MAP3K14: variants seen among roughly 807,000 people sequenced by gnomAD.
The protein encoded by MAP3K14 is mitogen-activated protein kinase kinase kinase 14.
MAP3K14 carries 16 observed loss-of-function variants against 99.2 expected under a neutral mutation model. The ratio of observed to expected loss-of-function variants is 0.16; its 90% confidence interval spans 0.11 to 0.24. The LOEUF is 0.24. MAP3K14 is among the 10% of genes least tolerant of loss of function. MAP3K14 has a pLI of 1.00. For missense variants in MAP3K14, 784 were observed against 1,208.7 expected, an observed-to-expected ratio of 0.65 and a Z score of 5.21; for synonymous variants, 462 against 492.4, an observed-to-expected ratio of 0.94 and a Z score of 0.82.
chr17:45,268,882 G>C (rs1454614249), intron 11 of MAP3K14, among the ~76,000 whole-genome samples: 1 of 152,148 alleles, frequency 6.6e-6, no homozygotes, highest in Non-Finnish European at 1.5e-5. Flanking sequence ...GTCTGCCTGA[G>C]TGCAGCCAGG....
chr17:45,264,697 G>T lies in MAP3K14; in HGVS notation c.2783C>A (p.Pro928His), dbSNP rs56036201. Residue 928 changes from proline (P) to histidine (H), a missense_variant, in exon 16 of 16, where the codon CCT becomes CAT. By Grantham distance (77) the Pro-to-His change is moderately conservative. Transcript: ENST00000344686. Reference sequence around the variant, plus strand: ...CCAGCTCCAGGCGAAGCTGCCATCAGGGGCCAGTGTGCACTGCAGGTCGAT... The same window carrying T: ...CCAGCTCCAGGCGAAGCTGCCATCATGGGCCAGTGTGCACTGCAGGTCGAT... The part of the protein sequence containing the change: ...SGIDLQCTLA[P>H]DGSFAWSWRV... The T allele has an allele frequency of 6.8e-5, 110 of 1,607,876 alleles. No individual in the cohort carries two copies. Among genetic ancestry groups the T allele is most frequent in the South Asian group, 3.3e-4 (30 of 89,808 alleles).
chr17:45,285,330 A>G (rs2044254938), intron 5 of MAP3K14, among the ~76,000 whole-genome samples: 1 of 152,194 alleles, frequency 6.6e-6, no homozygotes, highest in African/African-American at 2.4e-5. Context: ...GATGATGTTA[A>G]AAGTGGATGG....
chr17:45,289,882 C>T (rs1351872234), intron 2 of MAP3K14, among the ~76,000 whole-genome samples: 1 of 152,174 alleles, frequency 6.6e-6, no homozygotes, highest in African/African-American at 2.4e-5. Context: ...TGAGGGAAGG[C>T]GTTGGAGAGA....
intron 1 of MAP3K14, among the ~76,000 whole-genome samples, chr17:45,299,819 G>A (rs1025154119): frequency 1.3e-5 from 2 of 152,190 alleles, no homozygotes; most frequent in Non-Finnish European, 2.9e-5. Flanking sequence ...GCCAGGCATG[G>A]TGGCTCACGC....
chr17:45,277,901 T>A (rs2044192113), intron 6 of MAP3K14, among the ~76,000 whole-genome samples: 1 of 152,200 alleles, frequency 6.6e-6, no homozygotes, highest in South Asian at 2.1e-4. Flanking sequence ...AAGGTGGTGG[T>A]GTCCTATCTG....
chr17:45,271,082 G>A lies in MAP3K14; in HGVS notation c.1797C>T (p.Phe599=). 5.0e-6 allele frequency: 8 copies of A among 1,613,142 alleles called. No homozygotes were observed. Among genetic ancestry groups the A allele is most frequent in the Non-Finnish European group, 6.8e-6 (8 of 1,179,734 alleles). Residue 599 remains phenylalanine (F), a synonymous_variant, in exon 10 of 16, where the codon TTC becomes TTT. Transcript: ENST00000344686. ...MLNGCHPWTQ[F]FRGPLCLKIA... is the part of the protein sequence containing the mutation. ...CCTTGAGGCAGAGCGGCCCTCGGAA[G>A]AACTGAGTCCAGGGGTGGCAGCCGT...
In MAP3K14 at chr17:45,284,835, C is replaced by G. The variant is rs2044251384; in HGVS notation, c.1267G>C (p.Gly423Arg). The change falls in exon 6 of 16, where the codon GGC (glycine) becomes CGC (arginine). Residue 423 changes from glycine (G) to arginine (R), a missense_variant. Transcript: ENST00000344686. ...EVHRMEDKQT[G>R]FQCAVKKVRL... ...ACCTTTTTGACAGCGCACTGGAAGC[C>G]AGTCTGCTTGTCCTCCATCCTGTGC... is the stretch of plus-strand genomic sequence containing the variant. The G allele has an allele frequency of 6.3e-7, 1 of 1,595,444 alleles. No homozygotes were observed. The highest frequency in any genetic ancestry group is 8.5e-7 in the Non-Finnish European group (1 of 1,171,428).
chr17:45,280,381 G>A (rs538653151), intron 6 of MAP3K14, among the ~76,000 whole-genome samples: 4 of 138,772 alleles, frequency 2.9e-5, no homozygotes, highest in Admixed American at 8.2e-5. Context: ...TTGGCTCACC[G>A]CAACCTCCGC....
At chr17:45,294,486 C>T (rs2143838555) in intron 1 of MAP3K14, among the ~76,000 whole-genome samples, 1 of 152,260 alleles carries the variant, frequency 6.6e-6, no homozygotes, top group South Asian at 2.1e-4. Flanking sequence ...AGACTTGGTC[C>T]ATAGCTTTCA....
intron 6 of MAP3K14, among the ~76,000 whole-genome samples, chr17:45,282,989 G>A (rs1050614907): frequency 6.6e-6 from 1 of 152,244 alleles, no homozygotes; most frequent in Non-Finnish European, 1.5e-5. Context: ...TGGTGGGCTT[G>A]AGCTGCAGCT....
Position 45,303,785 on chromosome 17 carries a change from T to C in MAP3K14, c.-20-13020A>G, listed in dbSNP as rs1350244377. On this transcript the variant is annotated intron_variant, in intron 1 of 15. Coordinates refer to ENST00000344686, the MANE Select transcript of MAP3K14 (RefSeq NM_003954.5). The stretch of plus-strand genomic sequence containing the variant: ...TTTTAGTAGAGACGGGGTTTCACCG[T>C]GTTAGCTAGGATGGTCTTGATCTCC... 4.0e-5 allele frequency among the ~76,000 whole-genome samples: 6 copies of C among 151,130 alleles called. No individual in the cohort carries two copies. The East Asian group carries it at 9.7e-4, about 24-fold the overall frequency.
intron 2 of MAP3K14, among the ~76,000 whole-genome samples, chr17:45,290,007 C>T (rs1429766566): frequency 6.6e-6 from 1 of 152,210 alleles, no homozygotes; most frequent in Non-Finnish European, 1.5e-5. Flanking sequence ...GACTAGGTCT[C>T]ACCCTGCAGC....
intron 3 of MAP3K14, among the ~76,000 whole-genome samples, chr17:45,288,906 C>T (rs1347540125): frequency 1.3e-5 from 2 of 152,162 alleles, no homozygotes; most frequent in African/African-American, 2.4e-5. Context: ...CTCACGGTCA[C>T]GCAAGAGTGG....
chr17:45,287,433 T>A, intron 3 of MAP3K14, 69 bp from the exon 4 acceptor site: 6 of 1,341,094 alleles, frequency 4.5e-6, no homozygotes, highest in Non-Finnish European at 6.3e-6. Context: ...TCCAGACACT[T>A]GTATCTGGAC....
chr17:45,281,874 A>G (rs1985556), intron 6 of MAP3K14: 120,230 of 151,540 alleles, frequency 0.79, 48,150 homozygotes, highest in East Asian at 0.9. Context: ...TTGAACTCCT[A>G]ACCTTGTGAT....
chr17:45,279,407 G>A (rs9889768), intron 6 of MAP3K14, among the ~76,000 whole-genome samples: 4,289 of 151,346 alleles, frequency 0.028, 215 homozygotes, highest in African/African-American at 0.099. Flanking sequence ...GATTACAGGC[G>A]TGAGCCACCA....
At chr17:45,303,416 C>A (rs2044405644) in intron 1 of MAP3K14, among the ~76,000 whole-genome samples, 1 of 152,074 alleles carries the variant, frequency 6.6e-6, no homozygotes, top group Non-Finnish European at 1.5e-5. Flanking sequence ...CAAAAATTAG[C>A]TGGGTGTGGT....
In MAP3K14 at chr17:45,267,906, G is replaced by A; in HGVS notation, c.1973-147C>T. On this transcript the variant is annotated intron_variant, in intron 11 of 15. Transcript: ENST00000344686. The surrounding 1 kb of genome is among the most constrained non-coding windows in gnomAD (Gnocchi z 5.1). Reference sequence around the variant, plus strand: ...CGGGCCACCATGGGAGGTGGCTCCAGAGGGCAGCATGGTGGTCTCCACAGG... The same window carrying A: ...CGGGCCACCATGGGAGGTGGCTCCAAAGGGCAGCATGGTGGTCTCCACAGG... 1 of 671,960 alleles carries A rather than the reference G, an allele frequency of 1.5e-6. No homozygotes were observed. Among genetic ancestry groups the A allele is most frequent in the East Asian group, 2.7e-5 (1 of 37,164 alleles). The allele number at this position is 671,960 out of a possible 1,614,324, so 41.6% of individuals were successfully genotyped here. A position where few individuals can be genotyped will look rare whatever the true frequency, so the allele number is the denominator to read the frequency against.
At chr17:45,312,345 G>C (rs2044487781) in intron 1 of MAP3K14, among the ~76,000 whole-genome samples, 1 of 152,046 alleles carries the variant, frequency 6.6e-6, no homozygotes. Flanking sequence ...ATTTTCATCT[G>C]AACCGAGCTC....
Sources: allele counts gnomAD v4.1 joint callset (sites outside exome capture counted in the v4.1 genomes callset), GRCh38; gene constraint gnomAD v4.1.1; non-coding constraint Gnocchi (gnomAD v3.1); transcripts MANE v1.5; gene names NCBI Gene and HGNC (gene_info 2026-07-23, HGNC 2026-07-21).